The following CELF2 variants were observed in gnomAD, a reference collection of about 807,000 sequenced individuals.
The protein encoded by CELF2 is CUGBP Elav-like family member 2.
In CELF2, 8 loss-of-function variants were observed where a neutral mutation model predicts 62.6. The ratio of observed to expected loss-of-function variants is 0.13; its 90% CI spans 0.07 to 0.23. CELF2 has a LOEUF of 0.23. Among genes scored for constraint, CELF2 ranks in the 10% least tolerant of loss-of-function variants. The pLI, the probability that CELF2 is intolerant of heterozygous loss-of-function variation, is 1.00. For missense variants in CELF2, 333 were observed against 671.0 expected (o/e 0.50, Z 5.56); for synonymous variants, 258 against 250.0 (o/e 1.03, Z -0.30).
At position 11,280,989 on chromosome 10, in the gene CELF2, C is replaced by CGTGTGTGTGTGTGTGTGTGTGT. The variant is rs60798946; in HGVS notation, c.841+5880_841+5901dup. 2.0e-4 allele frequency among the ~76,000 whole-genome samples: 29 copies of CGTGTGTGTGTGTGTGTGTGTGT among 144,400 alleles called. 1 individual carries two copies. The highest frequency in any genetic ancestry group is 2.7e-4 in the Admixed American group (4 of 14,718). The allele number at this position is 144,400 out of a possible 152,430, so 94.7% of individuals were successfully genotyped here. A position where few individuals can be genotyped will look rare whatever the true frequency, so the allele number is the denominator to read the frequency against. On this transcript the variant is annotated intron_variant, in intron 8 of 12. Transcript: ENST00000633077. The surrounding 1 kb of genome is among the most constrained non-coding windows in gnomAD (Gnocchi z 7.6). ...TGGCGTGCGTGTGCATGCCTGTGTG[C>CGTGTGTGTGTGTGTGTGTGTGT]GTGTGTGTGTGTGTGTGTGTGTGTG... is the stretch of plus-strand genomic sequence containing the variant.
intron 1 of CELF2, among the ~76,000 whole-genome samples, chr10:11,134,796 C>T (rs2131986422): frequency 6.6e-6 from 1 of 152,328 alleles, no homozygotes; most frequent in South Asian, 2.1e-4. Flanking sequence ...CTCCCTCAGC[C>T]TCCACCTTGT....
chr10:11,283,426 A>G (rs1243389356), intron 8 of CELF2, among the ~76,000 whole-genome samples: 3 of 152,130 alleles, frequency 2.0e-5, no homozygotes, highest in African/African-American at 4.8e-5. Flanking sequence ...ATGGCCACTC[A>G]GTAATTACTG....
At chr10:10,763,752 C>T in the CELF2 span, among the ~76,000 whole-genome samples, 1 of 152,122 alleles carries the variant, frequency 6.6e-6, no homozygotes, top group East Asian at 1.9e-4. Flanking sequence ...AATGTCAGAA[C>T]ATGGAGAGGG....
intron 1 of CELF2, among the ~76,000 whole-genome samples, chr10:10,857,551 A>G (rs984250128): frequency 1.3e-5 from 2 of 151,052 alleles, no homozygotes; most frequent in African/African-American, 2.4e-5. Flanking sequence ...TCAAATACTC[A>G]GTCAAACATT....
intron 1 of CELF2, among the ~76,000 whole-genome samples, chr10:10,806,843 A>T (rs9424097): frequency 0.59 from 90,321 of 151,936 alleles, 27,037 homozygotes; most frequent in African/African-American, 0.67. Flanking sequence ...GGAAGGATCC[A>T]GTCCGGTTTT....
At chr10:10,948,911 G>T (rs2047994249) in intron 2 of CELF2, among the ~76,000 whole-genome samples, 1 of 152,160 alleles carries the variant, frequency 6.6e-6, no homozygotes, top group Non-Finnish European at 1.5e-5. Context: ...ACCTGTCTCT[G>T]TACCCATCTA....
chr10:10,564,801 C>T, the CELF2 span, among the ~76,000 whole-genome samples: 1 of 151,928 alleles, frequency 6.6e-6, no homozygotes, highest in Non-Finnish European at 1.5e-5. Context: ...CCTACCTCCA[C>T]CAAGAAAAGC....
chr10:10,612,702 C>G, the CELF2 span, among the ~76,000 whole-genome samples: 5 of 152,136 alleles, frequency 3.3e-5, no homozygotes, highest in African/African-American at 1.2e-4. Flanking sequence ...CTGTGATACC[C>G]TTTGCTGTAT....
intron 4 of CELF2, 70 bp downstream of exon 4, chr10:11,249,271 C>T (rs530261555): frequency 1.9e-5 from 23 of 1,240,970 alleles, no homozygotes; most frequent in African/African-American, 1.2e-4. Flanking sequence ...CAGTTGGGGG[C>T]GGGAGAAGCC....
chr10:10,561,031 G>T, the CELF2 span, among the ~76,000 whole-genome samples: 4 of 149,694 alleles, frequency 2.7e-5, no homozygotes, highest in Middle Eastern at 3.5e-3. Flanking sequence ...GAGTGGGAGG[G>T]GGGTGACAGA....
chr10:11,009,338 C>A (rs77092067), intron 1 of CELF2, among the ~76,000 whole-genome samples: 1 of 95,502 alleles, frequency 1.0e-5, no homozygotes, highest in East Asian at 2.0e-4. Flanking sequence ...TGTGTGTGTG[C>A]GCGTGTGTGT....
the CELF2 span, among the ~76,000 whole-genome samples, chr10:10,513,194 C>G: frequency 6.6e-6 from 1 of 152,046 alleles, no homozygotes; most frequent in Admixed American, 6.6e-5. Flanking sequence ...GATTTTTGCC[C>G]CTTTTTTGTT....
chr10:11,311,776 G>A lies in CELF2; in HGVS notation c.977-2363G>A, dbSNP rs549616414. 1.4e-4 allele frequency among the ~76,000 whole-genome samples: 21 copies of A among 152,166 alleles called. No homozygotes were observed. The highest frequency in any genetic ancestry group is 3.9e-4 in the African/African-American group (16 of 41,520). ...CAGATTTTGGAGATGATGCCCAACC[G>A]AGAAACAGAATATGAGAGGTGAAGT... On this transcript the variant is annotated intron_variant, in intron 9 of 12. Transcript: ENST00000633077. This position sits in a 1 kb window ranked among gnomAD's most constrained non-coding sequence, Gnocchi z 4.7.
At chr10:11,021,699 C>T (rs568260038) in intron 1 of CELF2, among the ~76,000 whole-genome samples, 1 of 152,162 alleles carries the variant, frequency 6.6e-6, no homozygotes, top group African/African-American at 2.4e-5. Flanking sequence ...TTGCCCCTGC[C>T]ACATAGGCAG....
chr10:10,867,966 T>C (rs886425468), intron 1 of CELF2, among the ~76,000 whole-genome samples: 5 of 152,236 alleles, frequency 3.3e-5, no homozygotes, highest in African/African-American at 1.2e-4. Context: ...CAAATGATAT[T>C]GTGTCCAGAT....
In CELF2 at chr10:11,078,262, A is replaced by G. The variant is rs375921990; in HGVS notation, c.74+60099A>G. ...TCCTAAAGGAAGTGGTGGGGGGCGG[A>G]ATGTATGCAATGGGAAATCGAGTTC... On this transcript the variant is annotated intron_variant, in intron 1 of 12. Coordinates refer to ENST00000633077, the MANE Select transcript of CELF2 (RefSeq NM_001326342.2). Among the ~76,000 whole-genome samples the G allele has an allele frequency of 6.7e-4, 101 of 151,788 alleles. 2 individuals are homozygous for G. Among genetic ancestry groups the G allele is most frequent in the South Asian group, 6.4e-3 (31 of 4,808 alleles).
intron 1 of CELF2, among the ~76,000 whole-genome samples, chr10:11,130,618 G>A (rs2059471782): frequency 6.6e-6 from 1 of 151,868 alleles, no homozygotes. Flanking sequence ...CTAACCAGAT[G>A]ACACATTTTT....
At chr10:10,462,896 T>C in the CELF2 span, among the ~76,000 whole-genome samples, 1 of 151,974 alleles carries the variant, frequency 6.6e-6, no homozygotes. Context: ...TTGTTTGGAG[T>C]TGCGGTGTCC....
chr10:10,840,288 T>C (rs1001039401), intron 1 of CELF2, among the ~76,000 whole-genome samples: 2 of 152,260 alleles, frequency 1.3e-5, no homozygotes, highest in African/African-American at 4.8e-5. Flanking sequence ...ACTGGCAAAC[T>C]GTCTTCCAAA....
Sources: gnomAD v4.1 joint callset for allele counts (sites outside exome capture counted in the v4.1 genomes callset) on GRCh38, gnomAD v4.1.1 for gene constraint, Gnocchi (gnomAD v3.1) non-coding constraint, MANE v1.5 for transcripts, NCBI Gene and HGNC (gene_info 2026-07-23, HGNC 2026-07-21) for gene names.